C17orf107: variants seen among roughly 807,000 people sequenced by gnomAD.
C17orf107 encodes the protein chromosome 17 open reading frame 107.
Under a neutral mutation model 8.9 loss-of-function variants are expected in C17orf107, and 9 were observed. The observed-to-expected ratio is 1.02, with a 90% confidence interval of 0.61 to 1.77. The LOEUF is 1.77. Ranked by LOEUF, C17orf107 falls within the 40% of genes most tolerant of loss-of-function variation. C17orf107 has a pLI of 0.00. For synonymous variants in C17orf107, 139 were observed against 120.3 expected, an observed-to-expected ratio of 1.16 and a Z score of -1.02; for missense variants, 281 against 249.0, an observed-to-expected ratio of 1.13 and a Z score of -0.86.
Position 4,902,768 on chromosome 17 carries a change from G to A in C17orf107, c.*2235G>A, listed in dbSNP as rs753134441. 22 of 1,613,900 alleles carry A rather than the reference G, an allele frequency of 1.4e-5. No individual in the cohort carries two copies. The highest frequency in any genetic ancestry group is 3.3e-4 in the Middle Eastern group (2 of 6,084). ...CGTTCTTCCCCACACCCCTGCCTGC[G>A]ATGGGGTCAAGAAGGAAGGGTCATT... On this transcript the variant is annotated 3_prime_UTR_variant, in exon 3 of 3. Coordinates refer to ENST00000381365, the MANE Select transcript of C17orf107 (RefSeq NM_001145536.2). This position sits in a 1 kb window ranked among gnomAD's most constrained non-coding sequence, Gnocchi z 4.0.
chr17:4,906,489 A>G (rs964658783), downstream of C17orf107, among the ~76,000 whole-genome samples: 9 of 152,216 alleles, frequency 5.9e-5, no homozygotes, highest in South Asian at 8.3e-4. Flanking sequence ...TGATTATGAG[A>G]AAAAAAATCT....
At chr17:4,903,026 C>A (rs1275611116), downstream of C17orf107, 1 of 1,614,032 alleles carries the variant, frequency 6.2e-7, no homozygotes, top group Admixed American at 1.7e-5. Flanking sequence ...ACCGAGAAGC[C>A]CCAAGAGGAG....
chr17:4,905,245 T>G (rs1210364529), downstream of C17orf107, among the ~76,000 whole-genome samples: 2 of 152,066 alleles, frequency 1.3e-5, no homozygotes, highest in Admixed American at 1.3e-4. Context: ...GTGAATCAGA[T>G]CTGTCAGAAA....
At chr17:4,904,003 G>T (rs139853023), downstream of C17orf107, among the ~76,000 whole-genome samples, 1 of 152,016 alleles carries the variant, frequency 6.6e-6, no homozygotes, top group Non-Finnish European at 1.5e-5. Flanking sequence ...GACTACAGGC[G>T]CATGCCACCA....
At position 4,900,862 on chromosome 17, in the gene C17orf107, T is replaced by C. The variant is rs750981766; in HGVS notation, c.*329T>C. 1.9e-6 allele frequency: 3 copies of C among 1,614,170 alleles called. No homozygotes were observed. Among genetic ancestry groups the C allele is most frequent in the Admixed American group, 3.3e-5 (2 of 60,030 alleles). On this transcript the variant is annotated 3_prime_UTR_variant, in exon 3 of 3. Transcript: ENST00000381365. ...GGCAATGAGGAACAAGAAGACGGTC[T>C]GGGCGAGCAGGACGTTGATGGAGAC...
At chr17:4,905,410 A>C (rs1000680432), downstream of C17orf107, among the ~76,000 whole-genome samples, 2 of 152,036 alleles carry the variant, frequency 1.3e-5, no homozygotes, top group Non-Finnish European at 2.9e-5. Context: ...ACAACAACAA[A>C]AAATATTAGC....
rs756429518 is a variant in C17orf107 at position 4,902,683 on chromosome 17, G to A, written c.*2150G>A. 25 of 1,613,750 alleles carry A rather than the reference G, an allele frequency of 1.5e-5. No homozygotes were observed. The highest frequency in any genetic ancestry group is 2.0e-5 in the Non-Finnish European group (24 of 1,179,962). On this transcript the variant is annotated 3_prime_UTR_variant, in exon 3 of 3. Coordinates refer to ENST00000381365, the MANE Select transcript of C17orf107 (RefSeq NM_001145536.2). The surrounding 1 kb of genome is among the most constrained non-coding windows in gnomAD (Gnocchi z 4.0). ...ATGGTGACAGTATCCTCAGGCTCCC[G>A]CACTGGCCGGCTTCCTGGGTCATAG... is the stretch of plus-strand genomic sequence containing the variant.
Position 4,901,802 on chromosome 17 carries a change from C to T in C17orf107, c.*1269C>T. 7.1e-7 allele frequency: 1 copy of T among 1,405,708 alleles called. No homozygotes were observed. Among genetic ancestry groups the T allele is most frequent in the Non-Finnish European group, 1.0e-6 (1 of 1,002,438 alleles). The allele number at this position is 1,405,708 out of a possible 1,614,324, so 87.1% of individuals were successfully genotyped here. On this transcript the variant is annotated 3_prime_UTR_variant, in exon 3 of 3. Coordinates refer to ENST00000381365, the MANE Select transcript of C17orf107 (RefSeq NM_001145536.2). The stretch of plus-strand genomic sequence containing the variant: ...CCTCCGGCCGCGCTGGAGCGTCCCA[C>T]CCAGTGCCTACGCCTGGCTCCGCCT...
chr17:4,903,114 G>T, downstream of C17orf107: 1 of 1,596,026 alleles, frequency 6.3e-7, no homozygotes, highest in South Asian at 1.1e-5. Flanking sequence ...GCTTGGAGGG[G>T]GCATGCCAGG....
rs1970027826 is a variant in C17orf107 at position 4,902,579 on chromosome 17, A to G, written c.*2046A>G. ...GACAGAGCTCAGCGGTTGGGGCCAGAAGTGGGATTTTTGGCTTAAGATGAG... is the reference window on the plus strand; with the variant it reads ...GACAGAGCTCAGCGGTTGGGGCCAGGAGTGGGATTTTTGGCTTAAGATGAG... On this transcript the variant is annotated 3_prime_UTR_variant, in exon 3 of 3. Coordinates refer to ENST00000381365, the MANE Select transcript of C17orf107 (RefSeq NM_001145536.2). The surrounding 1 kb of genome is among the most constrained non-coding windows in gnomAD (Gnocchi z 4.0). The G allele has an allele frequency of 6.2e-7, 1 of 1,614,134 alleles. No individual in the cohort carries two copies. Among genetic ancestry groups the G allele is most frequent in the Non-Finnish European group, 8.5e-7 (1 of 1,180,024 alleles).
At position 4,900,438 on chromosome 17, in the gene C17orf107, C is replaced by G. The variant is rs1969943821; in HGVS notation, c.478C>G (p.Leu160Val). ...ATGGCTATGCCTGTGTGGACGGGGT[C>G]TGCAGGGGTCTGCCTCATTCCTGCG... is the stretch of plus-strand genomic sequence containing the variant. ...GAWLCLCGRG[L>V]QGSASFLRQS... The change falls in exon 3 of 3, where the codon CTG becomes GTG. Residue 160 changes from leucine (L) to valine (V), a missense_variant. Coordinates refer to ENST00000381365, the MANE Select transcript of C17orf107 (RefSeq NM_001145536.2). The G allele has an allele frequency of 1.3e-6, 2 of 1,550,964 alleles. No individual in the cohort carries two copies. The highest frequency in any genetic ancestry group is 4.9e-5 in the East Asian group (2 of 40,904).
chr17:4,900,842 T>A lies in C17orf107; in HGVS notation c.*309T>A. On this transcript the variant is annotated 3_prime_UTR_variant, in exon 3 of 3. Coordinates refer to ENST00000381365, the MANE Select transcript of C17orf107 (RefSeq NM_001145536.2). ...GAAGTCTCTGGGATTTTCTGGGCAATGAGGAACAAGAAGACGGTCTGGGCG... is the reference window on the plus strand; with the variant it reads ...GAAGTCTCTGGGATTTTCTGGGCAAAGAGGAACAAGAAGACGGTCTGGGCG... The A allele has an allele frequency of 6.2e-6, 10 of 1,614,016 alleles. No homozygotes were observed. The highest frequency in any genetic ancestry group is 4.2e-6 in the Non-Finnish European group (5 of 1,179,966).
rs374963791 is a variant in C17orf107 at position 4,900,744 on chromosome 17, G to A, written c.*211G>A. The A allele has an allele frequency of 1.1e-4, 171 of 1,565,924 alleles. No individual in the cohort carries two copies. The highest frequency in any genetic ancestry group is 1.3e-4 in the Non-Finnish European group (152 of 1,148,308). ...CCCGGGGTCTCTGGGTTTTGGCCAC[G>A]CCCCCACCCTTCACACTGGCCACAC... On this transcript the variant is annotated 3_prime_UTR_variant, in exon 3 of 3. Coordinates refer to ENST00000381365, the MANE Select transcript of C17orf107 (RefSeq NM_001145536.2).
chr17:4,901,738 C>CA lies in C17orf107; in HGVS notation c.*1206dup, dbSNP rs1010159535. On this transcript the variant is annotated 3_prime_UTR_variant, in exon 3 of 3. Coordinates refer to ENST00000381365, the MANE Select transcript of C17orf107 (RefSeq NM_001145536.2). ...GGCCGCGATCCCAAGCCCACCCCTT[C>CA]ACCCAAGCCCAGCCCGCACGCCTCT... 126 of 1,270,584 alleles carry CA rather than the reference C, an allele frequency of 9.9e-5. No individual in the cohort carries two copies. The highest frequency in any genetic ancestry group is 9.2e-5 in the Non-Finnish European group (82 of 888,358). 78.7% of individuals were successfully genotyped at this position (1,270,584 alleles called of 1,614,324 possible).
At position 4,899,845 on chromosome 17, in the gene C17orf107, C is replaced by G. The variant is rs1193163141; in HGVS notation, c.66+17C>G. On this transcript the variant is annotated intron_variant, in intron 1 of 2. Transcript: ENST00000381365. ...TCCACCGAGGTGAGGCTACGCCCGC[C>G]AAGGGCTGCACCTCGAGACCTTCTG... 6.4e-7 allele frequency: 1 copy of G among 1,551,164 alleles called. No individual in the cohort carries two copies. The highest frequency in any genetic ancestry group is 8.7e-7 in the Non-Finnish European group (1 of 1,146,706).
At chr17:4,903,437 T>C (rs1393056783), downstream of C17orf107, among the ~76,000 whole-genome samples, 1 of 152,158 alleles carries the variant, frequency 6.6e-6, no homozygotes, top group East Asian at 1.9e-4. Flanking sequence ...TAGGTGACCC[T>C]GACTGATGAA....
In C17orf107 at chr17:4,901,684, G is replaced by C. The variant is rs962190585; in HGVS notation, c.*1151G>C. 6.6e-7 allele frequency: 1 copy of C among 1,523,306 alleles called. No homozygotes were observed. Among genetic ancestry groups the C allele is most frequent in the Admixed American group, 1.7e-5 (1 of 59,114 alleles). 94.4% of individuals were successfully genotyped at this position (1,523,306 alleles called of 1,614,324 possible). A position where few individuals can be genotyped will look rare whatever the true frequency, so the allele number is the denominator to read the frequency against. ...GCTCTGACCTGGGCCCCGGCCTCAGGCCCAGCCCTGGAAGCTGGGATCTAG... is the reference window on the plus strand; with the variant it reads ...GCTCTGACCTGGGCCCCGGCCTCAGCCCCAGCCCTGGAAGCTGGGATCTAG... On this transcript the variant is annotated 3_prime_UTR_variant, in exon 3 of 3. Transcript: ENST00000381365.
Position 4,901,003 on chromosome 17 carries a change from G to C in C17orf107, c.*470G>C, listed in dbSNP as rs761487611. 3 of 1,613,990 alleles carry C rather than the reference G, an allele frequency of 1.9e-6. No individual in the cohort carries two copies. Among genetic ancestry groups the C allele is most frequent in the Non-Finnish European group, 2.5e-6 (3 of 1,179,904 alleles). ...GCCACTGCTTACCCTGCGCCGGCAG[G>C]AAGTAGGCGAGCAGCACCAGGCCCG... is the stretch of plus-strand genomic sequence containing the variant. On this transcript the variant is annotated 3_prime_UTR_variant, in exon 3 of 3. Coordinates refer to ENST00000381365, the MANE Select transcript of C17orf107 (RefSeq NM_001145536.2).
In C17orf107 at chr17:4,901,643, G is replaced by T. The variant is rs772873394; in HGVS notation, c.*1110G>T. 1 of 1,610,616 alleles carries T rather than the reference G, an allele frequency of 6.2e-7. No individual in the cohort carries two copies. The highest frequency in any genetic ancestry group is 2.2e-5 in the East Asian group (1 of 44,846). On this transcript the variant is annotated 3_prime_UTR_variant, in exon 3 of 3. Coordinates refer to ENST00000381365, the MANE Select transcript of C17orf107 (RefSeq NM_001145536.2). ...TCTGAGAGCTGCGGAGCCAGGGCCGGGAGCCCACCCCAGAAGCTCTGACCT... is the reference window on the plus strand; with the variant it reads ...TCTGAGAGCTGCGGAGCCAGGGCCGTGAGCCCACCCCAGAAGCTCTGACCT...
Sources: gnomAD v4.1 joint callset for allele counts (sites outside exome capture counted in the v4.1 genomes callset) on GRCh38, gnomAD v4.1.1 for gene constraint, Gnocchi (gnomAD v3.1) non-coding constraint, MANE v1.5 for transcripts, NCBI Gene and HGNC (gene_info 2026-07-23, HGNC 2026-07-21) for gene names.